Variants in PTPRD observed in about 807,000 individuals in gnomAD.
PTPRD encodes receptor-type tyrosine-protein phosphatase delta.
A neutral mutation model predicts 214.5 loss-of-function variants in PTPRD; 34 were observed. That is an observed-to-expected ratio of 0.16 (90% CI 0.12 to 0.21). The LOEUF is 0.21. Among genes scored for constraint, PTPRD ranks in the 10% least tolerant of loss-of-function variants. The pLI is 1.00. For missense variants in PTPRD, 2,545 were observed against 2,398.7 expected (o/e 1.06, Z -1.27); for synonymous variants, 1,128 against 845.7 (o/e 1.33, Z -5.79).
intron 5 of PTPRD, among the ~76,000 whole-genome samples, chr9:9,935,537 C>T (rs1475963757): frequency 2.6e-5 from 4 of 151,886 alleles, no homozygotes; most frequent in East Asian, 1.9e-4. Context: ...AAGGACCTCT[C>T]CAAGGAGAAC....
At chr9:9,520,946 G>A (rs1484546121) in intron 8 of PTPRD, among the ~76,000 whole-genome samples, 2 of 152,146 alleles carry the variant, frequency 1.3e-5, no homozygotes, top group Admixed American at 1.3e-4. Context: ...AGAATCATCT[G>A]GGAGGCTTGT....
At chr9:10,083,199 T>A (rs757752633) in intron 3 of PTPRD, among the ~76,000 whole-genome samples, 4 of 152,056 alleles carry the variant, frequency 2.6e-5, no homozygotes, top group African/African-American at 9.7e-5. Flanking sequence ...TTATTTCTTA[T>A]GATAGAGCCT....
At chr9:8,875,384 C>G (rs899772762) in intron 11 of PTPRD, among the ~76,000 whole-genome samples, 1 of 151,996 alleles carries the variant, frequency 6.6e-6, no homozygotes, top group Admixed American at 6.6e-5. Flanking sequence ...TTTAATTAGC[C>G]AGACATAGTG....
chr9:9,118,307 C>T (rs1196576338), intron 10 of PTPRD, among the ~76,000 whole-genome samples: 4 of 152,076 alleles, frequency 2.6e-5, no homozygotes, highest in Non-Finnish European at 4.4e-5. Flanking sequence ...AAGCTTGATC[C>T]CAAACCTGTA....
intron 7 of PTPRD, among the ~76,000 whole-genome samples, chr9:9,625,333 G>A (rs946824481): frequency 1.3e-5 from 2 of 152,170 alleles, no homozygotes; most frequent in African/African-American, 4.8e-5. Context: ...GGTGTCTGAT[G>A]TGCTGCTCAA....
chr9:8,715,856 C>T (rs1173642142), intron 12 of PTPRD, among the ~76,000 whole-genome samples: 1 of 152,196 alleles, frequency 6.6e-6, no homozygotes, highest in Non-Finnish European at 1.5e-5. Context: ...AATGTTTAGC[C>T]TTCAGACAAT....
intron 9 of PTPRD, among the ~76,000 whole-genome samples, chr9:9,315,390 A>C (rs558826861): frequency 2.6e-4 from 40 of 152,154 alleles, no homozygotes; most frequent in African/African-American, 9.4e-4. Context: ...AGTAGATATT[A>C]CTATATGCCA....
At chr9:8,399,096 C>CTTTTTT (rs371669292) in intron 36 of PTPRD, among the ~76,000 whole-genome samples, 4 of 137,736 alleles carry the variant, frequency 2.9e-5, no homozygotes, top group Non-Finnish European at 4.6e-5. Context: ...GCCCACTAAG[C>CTTTTTT]TTTTTTTTTT....
chr9:10,233,396 C>T (rs954739392), intron 3 of PTPRD, among the ~76,000 whole-genome samples: 11 of 151,894 alleles, frequency 7.2e-5, no homozygotes, highest in African/African-American at 9.7e-5. Flanking sequence ...GCTAAAGAGG[C>T]GGATGTTTTG....
chr9:9,692,854 T>A (rs1243422947), intron 7 of PTPRD, among the ~76,000 whole-genome samples: 3 of 151,960 alleles, frequency 2.0e-5, no homozygotes, highest in Non-Finnish European at 4.4e-5. Context: ...ACCTCTTTGG[T>A]TAATTCCTAG....
intron 2 of PTPRD, among the ~76,000 whole-genome samples, chr9:10,538,295 TAA>T (rs200538843): frequency 1.0e-3 from 129 of 123,920 alleles, no homozygotes; most frequent in African/African-American, 3.9e-3. Context: ...AATAAATAAA[TAA>T]AAAGGGAGAG....
intron 8 of PTPRD, among the ~76,000 whole-genome samples, chr9:9,545,982 C>T (rs890546316): frequency 6.6e-6 from 1 of 151,632 alleles, no homozygotes; most frequent in Admixed American, 6.6e-5. Flanking sequence ...TTTTCAGTTT[C>T]TCACATAGAT....
At chr9:10,357,161 C>A (rs2097294694) in intron 2 of PTPRD, among the ~76,000 whole-genome samples, 1 of 151,834 alleles carries the variant, frequency 6.6e-6, no homozygotes, top group African/African-American at 2.4e-5. Flanking sequence ...AAACATAAAT[C>A]CTCATCTATT....
chr9:8,538,612 T>G lies in PTPRD; in HGVS notation c.353-9833A>C, dbSNP rs10977189. On this transcript the variant is annotated intron_variant, in intron 14 of 45. Coordinates refer to ENST00000381196, the MANE Select transcript of PTPRD (RefSeq NM_002839.4). Reference sequence around the variant, plus strand: ...TGGTGTGAACACCTAGTTTTAAATATATATGTACACACATATATATATACA... The same window carrying G: ...TGGTGTGAACACCTAGTTTTAAATAGATATGTACACACATATATATATACA... Among the ~76,000 whole-genome samples, 39 of 151,322 alleles carry G rather than the reference T, an allele frequency of 2.6e-4. 1 individual carries two copies. In the South Asian group the frequency reaches 6.0e-3, roughly 23 times the overall value.
intron 3 of PTPRD, among the ~76,000 whole-genome samples, chr9:10,286,272 C>G (rs975072918): frequency 6.6e-6 from 1 of 151,906 alleles, no homozygotes; most frequent in Non-Finnish European, 1.5e-5. Context: ...AAAACCCCGT[C>G]TCTACAAAAA....
chr9:9,349,957 T>C (rs1214034277), intron 9 of PTPRD, among the ~76,000 whole-genome samples: 2 of 152,058 alleles, frequency 1.3e-5, no homozygotes, highest in Non-Finnish European at 2.9e-5. Context: ...TATCCTGAAA[T>C]GTAGGCTATC....
chr9:9,844,661 T>C (rs187388725), intron 5 of PTPRD, among the ~76,000 whole-genome samples: 141 of 151,934 alleles, frequency 9.3e-4, no homozygotes, highest in African/African-American at 2.9e-3. Context: ...TTAACAGTTA[T>C]TAGCTTTATT....
intron 9 of PTPRD, among the ~76,000 whole-genome samples, chr9:9,295,530 A>AAAAGC (rs1217550954): frequency 3.3e-5 from 5 of 151,812 alleles, no homozygotes; most frequent in Non-Finnish European, 7.4e-5. Flanking sequence ...TACTTGAAAC[A>AAAAGC]TACTTTATTG....
chr9:9,973,212 C>T (rs912324549), intron 4 of PTPRD, among the ~76,000 whole-genome samples: 3 of 150,676 alleles, frequency 2.0e-5, no homozygotes, highest in African/African-American at 7.4e-5. Flanking sequence ...CCTGTAATCC[C>T]AGCACTTTGA....
Sources: allele counts gnomAD v4.1 joint callset (sites outside exome capture counted in the v4.1 genomes callset), GRCh38; gene constraint gnomAD v4.1.1; transcripts MANE v1.5; gene names NCBI Gene and HGNC (gene_info 2026-07-23, HGNC 2026-07-21).